CLCN3: variants seen among roughly 807,000 people sequenced by gnomAD.
CLCN3 encodes Cl-/H+ antiporter 3, also known as H(+)/Cl(-) exchange transporter 3.
Under a neutral mutation model 83.4 loss-of-function variants are expected in CLCN3, and 16 were observed. The ratio of observed to expected loss-of-function variants is 0.19; its 90% CI spans 0.13 to 0.29. The LOEUF (loss-of-function observed/expected upper bound fraction) is 0.29, where lower values mean the gene tolerates loss of function less well. Ranked by LOEUF, CLCN3 falls within the 10% of genes least tolerant of loss-of-function variation. The pLI is 1.00. For missense variants in CLCN3, 544 were observed against 1,006.0 expected, an observed-to-expected ratio of 0.54 and a Z score of 6.21; for synonymous variants, 322 against 346.2, an observed-to-expected ratio of 0.93 and a Z score of 0.78.
At chr4:169,636,253 G>A (rs1412679573) in intron 2 of CLCN3, among the ~76,000 whole-genome samples, 165 bp downstream of exon 2, 1 of 152,132 alleles carries the variant, frequency 6.6e-6, no homozygotes, top group African/African-American at 2.4e-5. Context: ...GTGGCATTTA[G>A]CAGGTTCACA....
chr4:169,632,751 G>A (rs1773409085), intron 1 of CLCN3, among the ~76,000 whole-genome samples: 1 of 150,446 alleles, frequency 6.6e-6, no homozygotes, highest in Non-Finnish European at 1.5e-5. Flanking sequence ...AAGTGCTGGG[G>A]AACTAGCAGG....
intron 9 of CLCN3, among the ~76,000 whole-genome samples, chr4:169,699,650 G>T (rs1488992335): frequency 6.6e-6 from 1 of 152,110 alleles, no homozygotes; most frequent in Non-Finnish European, 1.5e-5. Context: ...TTGGGAGGCC[G>T]AGGCGGGCAG....
intron 2 of CLCN3, among the ~76,000 whole-genome samples, chr4:169,666,895 T>C (rs1731263667): frequency 6.6e-6 from 1 of 152,216 alleles, no homozygotes; most frequent in Admixed American, 6.5e-5. Flanking sequence ...ATATATGTAA[T>C]GTCCTGAGAA....
chr4:169,690,597 C>A lies in CLCN3; in HGVS notation c.674C>A (p.Ala225Glu). The change falls in exon 6 of 13, where the codon GCA becomes GAA. Residue 225 changes from alanine (A) to glutamate (E), a missense_variant. This residue lies in a region of CLCN3 where 96 missense variants were observed against 202.1 expected (regional missense o/e 0.48). Transcript: ENST00000513761. ...TGGGCCTTGAGTTTTGCCTTTCTTG[C>A]AGTTTCCCTGGTAAAGGTATTTGCT... The part of the protein sequence containing the change: ...IFWALSFAFL[A>E]VSLVKVFAPY... The A allele has an allele frequency of 1.9e-6, 3 of 1,613,656 alleles. No individual in the cohort carries two copies. Among genetic ancestry groups the A allele is most frequent in the Non-Finnish European group, 2.5e-6 (3 of 1,179,590 alleles).
chr4:169,649,764 G>A (rs1440557370), intron 2 of CLCN3, among the ~76,000 whole-genome samples: 1 of 152,146 alleles, frequency 6.6e-6, no homozygotes, highest in East Asian at 1.9e-4. Flanking sequence ...ATCTGTTAAT[G>A]TGTAGTGAAT....
Position 169,676,697 on chromosome 4 carries a change from C to T in CLCN3, c.161-3353C>T, listed in dbSNP as rs1731695505. Among the ~76,000 whole-genome samples the T allele has an allele frequency of 3.4e-5, 5 of 148,210 alleles. No individual in the cohort carries two copies. The South Asian group carries it at 1.1e-3, about 31-fold the overall frequency. Reference sequence around the variant, plus strand: ...ATTTTTAGTAGAGATGAGGTTTTGCCATGTTGCCCAAGCTGGTCTCAAATT... The same window carrying T: ...ATTTTTAGTAGAGATGAGGTTTTGCTATGTTGCCCAAGCTGGTCTCAAATT... On this transcript the variant is annotated intron_variant, in intron 2 of 12. Transcript: ENST00000513761.
chr4:169,620,584 C>A lies in CLCN3; in HGVS notation c.-496C>A. On this transcript the variant is annotated 5_prime_UTR_variant, in exon 1 of 13. Transcript: ENST00000513761. ...CTCCTGACTCCTGCCGCTTCTCTTC[C>A]CCTTCCGTGGGTCAGGGCCGGTCCG... The A allele has an allele frequency of 5.0e-6, 2 of 396,758 alleles. No homozygotes were observed. Among genetic ancestry groups the A allele is most frequent in the Non-Finnish European group, 4.4e-6 (1 of 225,496 alleles). The allele number at this position is 396,758 out of a possible 1,614,324, so 24.6% of individuals were successfully genotyped here.
chr4:169,689,332 A>C (rs982744459), intron 5 of CLCN3, 102 bp downstream of exon 5: 4 of 935,332 alleles, frequency 4.3e-6, no homozygotes, highest in African/African-American at 1.7e-5. Flanking sequence ...GATTACATAC[A>C]CATCAAATGG....
chr4:169,723,499 A>C lies in CLCN3; in HGVS notation c.*3502A>C, dbSNP rs1581305973. The C allele has an allele frequency of 1.3e-5, 2 of 150,648 alleles. No individual in the cohort carries two copies. The highest frequency in any genetic ancestry group is 1.9e-4 in the East Asian group (1 of 5,168). 9.3% of individuals were successfully genotyped at this position (150,648 alleles called of 1,614,324 possible). ...CAAAAGTGATTTTTTTTTTTTTCGC[A>C]AGAAAAATTACGCTATTTGCATGAA... On this transcript the variant is annotated 3_prime_UTR_variant, in exon 13 of 13. Transcript: ENST00000513761.
At chr4:169,678,673 G>A (rs1356129199) in intron 2 of CLCN3, among the ~76,000 whole-genome samples, 2 of 152,134 alleles carry the variant, frequency 1.3e-5, no homozygotes, top group Non-Finnish European at 2.9e-5. Flanking sequence ...ATCTTGCACC[G>A]CCCTTAATCC....
intron 2 of CLCN3, among the ~76,000 whole-genome samples, chr4:169,662,143 C>A (rs1249137661): frequency 6.6e-6 from 1 of 152,126 alleles, no homozygotes; most frequent in Non-Finnish European, 1.5e-5. Flanking sequence ...TGAGAGTAGG[C>A]ATGGTTACTG....
In CLCN3 at chr4:169,709,363, A is replaced by G. The variant is rs1733118715; in HGVS notation, c.2149+2097A>G. ...AGATGTCTCAGATTAAGGCCATTTC[A>G]ACAGGAATGCTGAGACTTTAAAAAA... On this transcript the variant is annotated intron_variant, in intron 11 of 12. Coordinates refer to ENST00000513761, the MANE Select transcript of CLCN3 (RefSeq NM_001829.4). 2.0e-5 allele frequency among the ~76,000 whole-genome samples: 3 copies of G among 151,714 alleles called. No homozygotes were observed. The South Asian group carries it at 6.2e-4, about 32-fold the overall frequency.
intron 3 of CLCN3, among the ~76,000 whole-genome samples, chr4:169,687,225 T>A (rs1476765951): frequency 6.6e-6 from 1 of 152,168 alleles, no homozygotes; most frequent in Admixed American, 6.5e-5. Flanking sequence ...TTTAAAACAA[T>A]CTAGGCCAGA....
chr4:169,704,942 T>C (rs1732933829), intron 10 of CLCN3, among the ~76,000 whole-genome samples: 1 of 152,210 alleles, frequency 6.6e-6, no homozygotes, highest in Non-Finnish European at 1.5e-5. Flanking sequence ...AGCAAGTATT[T>C]ATTAAATGTC....
At chr4:169,686,956 A>G (rs191799402) in intron 3 of CLCN3, among the ~76,000 whole-genome samples, 65 of 152,316 alleles carry the variant, frequency 4.3e-4, no homozygotes, top group African/African-American at 6.0e-4. Flanking sequence ...GACTCTACCA[A>G]TGGGATCGGA....
chr4:169,621,972 T>C (rs1052003988), intron 1 of CLCN3, among the ~76,000 whole-genome samples: 6 of 152,220 alleles, frequency 3.9e-5, no homozygotes, highest in African/African-American at 1.2e-4. Context: ...TTCTATAATA[T>C]GGCTTTAAAA....
chr4:169,694,530 A>T (rs1732493423), intron 7 of CLCN3, among the ~76,000 whole-genome samples: 1 of 152,238 alleles, frequency 6.6e-6, no homozygotes, highest in African/African-American at 2.4e-5. Context: ...TTGCTGTATT[A>T]AAGTAGTGAA....
At chr4:169,708,279 T>G (rs1733068549) in intron 11 of CLCN3, among the ~76,000 whole-genome samples, 1 of 152,100 alleles carries the variant, frequency 6.6e-6, no homozygotes, top group African/African-American at 2.4e-5. Flanking sequence ...AACTGGAAAC[T>G]CTTTAATTTG....
At chr4:169,621,123 A>G (rs1457898697) in intron 1 of CLCN3, 60 bp downstream of exon 1, 1 of 392,642 alleles carries the variant, frequency 2.5e-6, no homozygotes, top group Non-Finnish European at 4.5e-6. Context: ...TTTTGGGTCA[A>G]CTGTGAGGCC....
Sources: gnomAD v4.1 joint callset for allele counts (sites outside exome capture counted in the v4.1 genomes callset) on GRCh38, gnomAD v4.1.1 for gene constraint, gnomAD v4.1.1 regional missense constraint, MANE v1.5 for transcripts, NCBI Gene and HGNC (gene_info 2026-07-23, HGNC 2026-07-21) for gene names.